The following NAT1 variants were observed in gnomAD, a reference collection of about 807,000 sequenced individuals.
The protein encoded by NAT1 is arylamine N-acetyltransferase 1.
For missense variants in NAT1, 400 were observed against 339.2 expected, an observed-to-expected ratio of 1.18 and a Z score of -1.41; for synonymous variants, 144 against 122.6, an observed-to-expected ratio of 1.17 and a Z score of -1.16.
intron 1 of NAT1, among the ~76,000 whole-genome samples, chr8:18,216,606 T>A (rs1349809405): frequency 6.6e-6 from 1 of 152,198 alleles, no homozygotes; most frequent in African/African-American, 2.4e-5. Context: ...GCATCGCTTA[T>A]AGGTCTGTCC....
chr8:18,195,946 T>A (rs6586710), intron 2 of NAT1, among the ~76,000 whole-genome samples: 106,241 of 151,856 alleles, frequency 0.7, 37,551 homozygotes, highest in African/African-American at 0.75. Flanking sequence ...CCTGATGGCT[T>A]GAAGAATTGA....
At chr8:18,195,280 T>A (rs1448926153) in intron 2 of NAT1, among the ~76,000 whole-genome samples, 1 of 152,142 alleles carries the variant, frequency 6.6e-6, no homozygotes, top group East Asian at 1.9e-4. Context: ...TTAGTGAGAG[T>A]GAAGGAGGTA....
At chr8:18,209,480 A>G (rs1192410408), upstream of NAT1, among the ~76,000 whole-genome samples, 3 of 152,268 alleles carry the variant, frequency 2.0e-5, no homozygotes, top group Non-Finnish European at 4.4e-5. Flanking sequence ...AACAAAAATT[A>G]TGTTGTATAG....
rs10098284 is a variant in NAT1 at position 18,199,468 on chromosome 8, C to T, written n.93-10313C>T. Among the ~76,000 whole-genome samples, 439 of 152,112 alleles carry T rather than the reference C, an allele frequency of 2.9e-3. 3 individuals carry two copies. Among genetic ancestry groups the T allele is most frequent in the African/African-American group, 9.5e-3 (396 of 41,502 alleles). ...TCACACGAAAAAAATCTAGGGGAGA[C>T]GTCTAGAGACCCTGAGACCCCTTAA... On this transcript the variant is annotated intron_variant and non_coding_transcript_variant, in intron 2 of 4. Coordinates refer to the NAT1 transcript ENST00000517441.
Position 18,220,055 on chromosome 8 carries a change from C to T in NAT1, c.-7+566C>T, listed in dbSNP as rs746981210. 1.6e-4 allele frequency among the ~76,000 whole-genome samples: 25 copies of T among 152,160 alleles called. 1 individual carries two copies. The highest frequency in any genetic ancestry group is 8.8e-5 in the Non-Finnish European group (6 of 68,024). ...ATAAACCGCCTTCGTCCTTTTAGATCGGCTTCTCTCTCTTCTTTACATACT... is the reference window on the plus strand; with the variant it reads ...ATAAACCGCCTTCGTCCTTTTAGATTGGCTTCTCTCTCTTCTTTACATACT... On this transcript the variant is annotated intron_variant, in intron 2 of 2. Coordinates refer to ENST00000307719, the MANE Select transcript of NAT1 (RefSeq NM_000662.8).
At chr8:18,207,664 G>A (rs2117314786), upstream of NAT1, among the ~76,000 whole-genome samples, 1 of 152,316 alleles carries the variant, frequency 6.6e-6, no homozygotes, top group South Asian at 2.1e-4. Flanking sequence ...TCCACTGTTG[G>A]TGGGAATGTA....
chr8:18,185,901 G>C (rs79090851), intron 2 of NAT1, among the ~76,000 whole-genome samples: 3,805 of 151,860 alleles, frequency 0.025, 149 homozygotes, highest in African/African-American at 0.086. Context: ...TTTCTTCTTT[G>C]ATCCTTGGCT....
intron 2 of NAT1, among the ~76,000 whole-genome samples, chr8:18,175,833 A>G (rs543323556): frequency 1.4e-4 from 22 of 152,254 alleles, no homozygotes; most frequent in African/African-American, 5.3e-4. Flanking sequence ...TCCCAACAGC[A>G]TACAAGGGTT....
intron 2 of NAT1, among the ~76,000 whole-genome samples, chr8:18,200,639 G>T (rs551167732): frequency 2.6e-5 from 4 of 151,872 alleles, no homozygotes; most frequent in Non-Finnish European, 4.4e-5. Flanking sequence ...CCTGTGACGT[G>T]TAGTTTACCT....
chr8:18,194,818 T>TAAA (rs57703927), intron 2 of NAT1, among the ~76,000 whole-genome samples: 1 of 143,386 alleles, frequency 7.0e-6, no homozygotes, highest in Non-Finnish European at 1.5e-5. Flanking sequence ...GACTCTGTCT[T>TAAA]AAAAAAAAAA....
chr8:18,187,289 G>C (rs886346200), intron 2 of NAT1, among the ~76,000 whole-genome samples: 4 of 152,122 alleles, frequency 2.6e-5, no homozygotes. Context: ...AAAACAGTGT[G>C]GTGCTTCCTT....
intron 2 of NAT1, among the ~76,000 whole-genome samples, chr8:18,192,772 T>C (rs1475357943): frequency 6.7e-6 from 1 of 148,350 alleles, no homozygotes; most frequent in African/African-American, 2.5e-5. Context: ...TTCTCACCCA[T>C]AGATGGGAAT....
intron 1 of NAT1, chr8:18,212,811 A>G (rs923778990): frequency 1.3e-5 from 2 of 152,508 alleles, no homozygotes; most frequent in Non-Finnish European, 2.9e-5. Context: ...TGCTAACCCC[A>G]GTCCTCAATC....
At chr8:18,216,401 C>T (rs895230269) in intron 1 of NAT1, among the ~76,000 whole-genome samples, 1 of 152,160 alleles carries the variant, frequency 6.6e-6, no homozygotes, top group African/African-American at 2.4e-5. Flanking sequence ...ATGTTTGCAG[C>T]CTTGTCTTTT....
Position 18,223,034 on chromosome 8 carries a change from C to T in NAT1, c.*114C>T. The T allele has an allele frequency of 1.4e-6, 1 of 728,578 alleles. No individual in the cohort carries two copies. The highest frequency in any genetic ancestry group is 2.0e-6 in the Non-Finnish European group (1 of 512,258). 45.1% of individuals were successfully genotyped at this position (728,578 alleles called of 1,614,324 possible). ...TTATTTTGAAGAAAATCCTAGACAT[C>T]AAATCATTTCACCTATAAAAATGTC... is the stretch of plus-strand genomic sequence containing the variant. On this transcript the variant is annotated 3_prime_UTR_variant, in exon 3 of 3. Transcript: ENST00000307719.
chr8:18,197,539 G>A (rs887216311), intron 2 of NAT1, among the ~76,000 whole-genome samples: 4 of 152,160 alleles, frequency 2.6e-5, no homozygotes, highest in African/African-American at 4.8e-5. Flanking sequence ...ACGACAGCCC[G>A]TCACAACAAA....
At position 18,184,368 on chromosome 8, in the gene NAT1, A is replaced by G. The variant is rs538214381; in HGVS notation, n.92+13629A>G. On this transcript the variant is annotated intron_variant and non_coding_transcript_variant, in intron 2 of 4. Transcript: ENST00000517441. Reference sequence around the variant, plus strand: ...AGCCCACGGAGGGCGCCCTGGGCCCATCATCCAAAACCCTTCTGCCCACAA... The same window carrying G: ...AGCCCACGGAGGGCGCCCTGGGCCCGTCATCCAAAACCCTTCTGCCCACAA... Among the ~76,000 whole-genome samples, 93 of 152,260 alleles carry G rather than the reference A, an allele frequency of 6.1e-4. 1 individual carries two copies. Among genetic ancestry groups the G allele is most frequent in the African/African-American group, 2.1e-3 (89 of 41,570 alleles).
In NAT1 at chr8:18,181,791, G is replaced by A. The variant is rs149617436; in HGVS notation, n.92+11052G>A. Among the ~76,000 whole-genome samples the A allele has an allele frequency of 9.9e-5, 15 of 152,222 alleles. No homozygotes were observed. In the East Asian group the frequency reaches 2.1e-3, roughly 22 times the overall value. ...TTGAGACATTTCACCATGAAGGGACGTTGTATTTTATGAAATGTTTCCGCT... is the reference window on the plus strand; with the variant it reads ...TTGAGACATTTCACCATGAAGGGACATTGTATTTTATGAAATGTTTCCGCT... On this transcript the variant is annotated intron_variant and non_coding_transcript_variant, in intron 2 of 4. Coordinates refer to the NAT1 transcript ENST00000517441.
chr8:18,189,461 C>A (rs1196356850), intron 2 of NAT1, among the ~76,000 whole-genome samples: 1 of 151,908 alleles, frequency 6.6e-6, no homozygotes, highest in African/African-American at 2.4e-5. Flanking sequence ...TGAAAAAGCA[C>A]GTGTAATAAT....
Sources: gnomAD v4.1 joint callset for allele counts (sites outside exome capture counted in the v4.1 genomes callset) on GRCh38, gnomAD v4.1.1 for gene constraint, MANE v1.5 for transcripts, NCBI Gene and HGNC (gene_info 2026-07-23, HGNC 2026-07-21) for gene names.